The following KCNMB2 variants were observed in gnomAD, a reference collection of about 807,000 sequenced individuals.
KCNMB2 encodes the protein potassium calcium-activated channel subfamily M regulatory beta subunit 2.
A neutral mutation model predicts 24.5 loss-of-function variants in KCNMB2; 9 were observed. The observed-to-expected ratio is 0.37, with a 90% confidence interval of 0.22 to 0.64. The LOEUF is 0.64. Among genes scored for constraint, KCNMB2 ranks in the 30% least tolerant of loss-of-function variants. The pLI, the probability that KCNMB2 is intolerant of heterozygous loss-of-function variation, is 0.63. For missense variants in KCNMB2, 226 were observed against 284.3 expected, an observed-to-expected ratio of 0.79 and a Z score of 1.47; for synonymous variants, 109 against 104.4, an observed-to-expected ratio of 1.04 and a Z score of -0.27.
chr3:178,718,973 A>G (rs1722709871), intron 1 of KCNMB2, among the ~76,000 whole-genome samples: 1 of 152,130 alleles, frequency 6.6e-6, no homozygotes, highest in Non-Finnish European at 1.5e-5. Flanking sequence ...GTTTAACACA[A>G]GCTATGGACA....
rs1262959396 is a variant in KCNMB2 at position 178,843,960 on chromosome 3, TTA to T, written c.*1024_*1025del. On this transcript the variant is annotated 3_prime_UTR_variant, in exon 5 of 5. Coordinates refer to ENST00000452583, the MANE Select transcript of KCNMB2 (RefSeq NM_181361.3). ...ATTTTAAAGCTATGTGCACAGAATA[TTA>T]GTCTCTTCTACATGTTTTATTTTTC... 6.6e-6 allele frequency: 1 copy of T among 152,362 alleles called. No individual in the cohort carries two copies. Among genetic ancestry groups the T allele is most frequent in the Non-Finnish European group, 1.5e-5 (1 of 67,992 alleles). The allele number at this position is 152,362 out of a possible 1,614,324, so 9.4% of individuals were successfully genotyped here. A position where few individuals can be genotyped will look rare whatever the true frequency, so the allele number is the denominator to read the frequency against.
chr3:178,685,900 C>G (rs982007352), intron 1 of KCNMB2, among the ~76,000 whole-genome samples: 25 of 152,150 alleles, frequency 1.6e-4, no homozygotes, highest in Non-Finnish European at 1.5e-5. Flanking sequence ...ACTCAAGTTG[C>G]AAATTCTGGT....
At chr3:178,646,542 G>A (rs1719930974) in intron 1 of KCNMB2, among the ~76,000 whole-genome samples, 2 of 152,332 alleles carry the variant, frequency 1.3e-5, no homozygotes, top group African/African-American at 4.8e-5. Context: ...AGATGTTGAT[G>A]TTGTAGTCCA....
chr3:178,686,964 CA>C (rs1174173568), intron 1 of KCNMB2, among the ~76,000 whole-genome samples: 1 of 151,694 alleles, frequency 6.6e-6, no homozygotes, highest in Non-Finnish European at 1.5e-5. Flanking sequence ...ACCATGAAAG[CA>C]AATTAGCAAG....
At chr3:178,640,558 C>T (rs1378163111) in intron 1 of KCNMB2, among the ~76,000 whole-genome samples, 1 of 152,130 alleles carries the variant, frequency 6.6e-6, no homozygotes, top group Non-Finnish European at 1.5e-5. Context: ...CAGAGCCAAA[C>T]CATATCACTA....
chr3:178,819,706 T>C (rs797007248), intron 2 of KCNMB2, among the ~76,000 whole-genome samples: 2 of 152,320 alleles, frequency 1.3e-5, no homozygotes, highest in African/African-American at 4.8e-5. Context: ...TTTTGGTTAA[T>C]TGATAAAGTT....
chr3:178,695,233 C>A (rs1297923872), intron 1 of KCNMB2, among the ~76,000 whole-genome samples: 2 of 152,236 alleles, frequency 1.3e-5, no homozygotes, highest in African/African-American at 4.8e-5. Context: ...GAACCAAGTC[C>A]CCATGGCACA....
At chr3:178,790,111 T>G (rs1577190560) in intron 1 of KCNMB2, among the ~76,000 whole-genome samples, 1 of 151,950 alleles carries the variant, frequency 6.6e-6, no homozygotes. Flanking sequence ...CTAAGGACTC[T>G]ATTCCAGGCC....
chr3:178,580,211 G>A (rs937943907), intron 1 of KCNMB2, among the ~76,000 whole-genome samples: 2 of 152,176 alleles, frequency 1.3e-5, no homozygotes, highest in Non-Finnish European at 2.9e-5. Flanking sequence ...TGCAAGGTTG[G>A]TTCAACATAT....
At chr3:178,674,172 C>T (rs1720995817) in intron 1 of KCNMB2, among the ~76,000 whole-genome samples, 2 of 151,794 alleles carry the variant, frequency 1.3e-5, no homozygotes, top group Admixed American at 1.3e-4. Context: ...TGTTTTACTC[C>T]TCATCTCTTC....
chr3:178,734,568 T>C (rs1400064626), intron 1 of KCNMB2, among the ~76,000 whole-genome samples: 1 of 152,186 alleles, frequency 6.6e-6, no homozygotes, highest in East Asian at 1.9e-4. Flanking sequence ...GCATGCACAA[T>C]TCTAGCGTTA....
At chr3:178,677,606 G>T (rs935434006) in intron 1 of KCNMB2, among the ~76,000 whole-genome samples, 12 of 152,112 alleles carry the variant, frequency 7.9e-5, no homozygotes, top group Admixed American at 2.0e-4. Context: ...AAAACCCCTG[G>T]CCTGTCGTCT....
intron 1 of KCNMB2, among the ~76,000 whole-genome samples, chr3:178,787,305 A>T (rs1414066587): frequency 6.6e-6 from 1 of 152,142 alleles, no homozygotes; most frequent in Non-Finnish European, 1.5e-5. Flanking sequence ...CATGTATATC[A>T]TATATATATT....
chr3:178,601,613 G>T (rs1052027237), intron 1 of KCNMB2, among the ~76,000 whole-genome samples: 1 of 152,268 alleles, frequency 6.6e-6, no homozygotes, highest in South Asian at 2.1e-4. Flanking sequence ...CTCAGGAGGG[G>T]CCCTCCTTTT....
intron 1 of KCNMB2, among the ~76,000 whole-genome samples, chr3:178,542,657 A>G (rs1715658885): frequency 6.6e-6 from 1 of 152,180 alleles, no homozygotes; most frequent in South Asian, 2.1e-4. Flanking sequence ...TTTTTAAAGG[A>G]AGAATCTAAA....
chr3:178,634,198 C>T (rs1030790176), intron 1 of KCNMB2, among the ~76,000 whole-genome samples: 4 of 152,276 alleles, frequency 2.6e-5, no homozygotes, highest in East Asian at 1.9e-4. Context: ...CAAATGGTTC[C>T]CACCTCTGTC....
intron 1 of KCNMB2, among the ~76,000 whole-genome samples, chr3:178,554,497 C>T (rs1560107067): frequency 6.6e-6 from 1 of 152,160 alleles, no homozygotes; most frequent in Non-Finnish European, 1.5e-5. Context: ...ATTTGTTTCT[C>T]TTACCAGTGT....
intron 1 of KCNMB2, among the ~76,000 whole-genome samples, chr3:178,656,549 G>A (rs1453224617): frequency 3.9e-5 from 6 of 152,112 alleles, no homozygotes; most frequent in Non-Finnish European, 8.8e-5. Context: ...GAGGCAGGCA[G>A]ATCACCCGAG....
At chr3:178,796,470 A>G (rs528185880) in intron 1 of KCNMB2, among the ~76,000 whole-genome samples, 1 of 152,326 alleles carries the variant, frequency 6.6e-6, no homozygotes, top group East Asian at 1.9e-4. Flanking sequence ...TCCTCGGCAC[A>G]TGCATCATTC....
Sources: allele counts gnomAD v4.1 joint callset (sites outside exome capture counted in the v4.1 genomes callset), GRCh38; gene constraint gnomAD v4.1.1; transcripts MANE v1.5; gene names NCBI Gene and HGNC (gene_info 2026-07-23, HGNC 2026-07-21).